The following TMEM132D variants were observed in gnomAD, a reference collection of about 807,000 sequenced individuals.
The protein encoded by TMEM132D is transmembrane protein 132D, also known as mature OL transmembrane protein.
A neutral mutation model predicts 62.3 loss-of-function variants in TMEM132D; 21 were observed. The ratio of observed to expected loss-of-function variants is 0.34; its 90% CI spans 0.24 to 0.49. The LOEUF is 0.49. Among genes scored for constraint, TMEM132D ranks in the 20% least tolerant of loss-of-function variants. The probability of loss-of-function intolerance (pLI) is 0.99; values close to 1 mark genes in which losing one functional copy is unlikely to be tolerated. For synonymous variants in TMEM132D, 621 were observed against 575.6 expected (o/e 1.08, Z -1.13); for missense variants, 1,346 against 1,402.8 (o/e 0.96, Z 0.65).
intron 3 of TMEM132D, among the ~76,000 whole-genome samples, chr12:129,523,892 G>T (rs1875931049): frequency 6.6e-6 from 1 of 152,158 alleles, no homozygotes; most frequent in South Asian, 2.1e-4. Flanking sequence ...AGGAGGCAAT[G>T]TAGATAAGCT....
intron 3 of TMEM132D, among the ~76,000 whole-genome samples, chr12:129,381,354 T>A (rs1241724077): frequency 6.6e-6 from 1 of 152,334 alleles, no homozygotes; most frequent in East Asian, 1.9e-4. Context: ...GAATGACTGA[T>A]GAAAGGATTA....
intron 2 of TMEM132D, among the ~76,000 whole-genome samples, chr12:129,568,531 T>C (rs1877427799): frequency 6.6e-6 from 1 of 152,228 alleles, no homozygotes. Context: ...CATCTGTTGC[T>C]TTCAAAAAAT....
intron 5 of TMEM132D, among the ~76,000 whole-genome samples, chr12:129,192,836 T>C (rs540148469): frequency 5.9e-5 from 9 of 152,132 alleles, no homozygotes; most frequent in Admixed American, 1.3e-4. Flanking sequence ...AAATCCTAAA[T>C]CACTATATAC....
chr12:129,342,483 C>A (rs1869528104), intron 3 of TMEM132D, among the ~76,000 whole-genome samples: 1 of 151,920 alleles, frequency 6.6e-6, no homozygotes, highest in South Asian at 2.1e-4. Context: ...TAGAAGAAAA[C>A]CTAGGCAATA....
chr12:129,253,066 A>G (rs1407635114), intron 4 of TMEM132D, among the ~76,000 whole-genome samples: 1 of 150,082 alleles, frequency 6.7e-6, no homozygotes, highest in African/African-American at 2.5e-5. Context: ...GGGGAGGGAT[A>G]GCATTAGGAG....
intron 1 of TMEM132D, among the ~76,000 whole-genome samples, chr12:129,840,795 A>G (rs756611802): frequency 2.0e-5 from 3 of 152,176 alleles, no homozygotes; most frequent in Non-Finnish European, 4.4e-5. Flanking sequence ...AACATCAAAC[A>G]AGGACCCCCG....
intron 4 of TMEM132D, among the ~76,000 whole-genome samples, chr12:129,210,631 T>C (rs190964381): frequency 2.0e-5 from 3 of 152,342 alleles, no homozygotes; most frequent in Admixed American, 2.0e-4. Flanking sequence ...CTTTTACTTA[T>C]AGTTATTTAA....
rs1239687079 is a variant in TMEM132D, at chr12:129,466,234, G to C, written c.1115+64825C>G. ...CTCTCATGCAGGTCACTAGAAAGTT[G>C]GTGTTACACGGAGAACTGGTATAAC... On this transcript the variant is annotated intron_variant, in intron 3 of 8. Transcript: ENST00000422113. Among the ~76,000 whole-genome samples, 9 of 149,358 alleles carry C rather than the reference G, an allele frequency of 6.0e-5. No homozygotes were observed. The South Asian group carries it at 6.3e-4, about 10-fold the overall frequency.
intron 5 of TMEM132D, among the ~76,000 whole-genome samples, chr12:129,157,597 C>A (rs80215241): frequency 0.013 from 1,981 of 152,296 alleles, 55 homozygotes; most frequent in East Asian, 0.12. Context: ...ACAGACACTG[C>A]AAACTTTACA....
chr12:129,330,656 G>A (rs545640031), intron 4 of TMEM132D, among the ~76,000 whole-genome samples: 1 of 152,286 alleles, frequency 6.6e-6, no homozygotes, highest in East Asian at 1.9e-4. Flanking sequence ...CGCTCCATGC[G>A]ACACCCTGCT....
chr12:129,248,721 C>G (rs1432620064), intron 4 of TMEM132D, among the ~76,000 whole-genome samples: 3 of 152,150 alleles, frequency 2.0e-5, no homozygotes, highest in Admixed American at 1.3e-4. Flanking sequence ...ACCCTCCACC[C>G]TCTGTTAGAC....
chr12:129,156,554 T>G (rs932087172), intron 5 of TMEM132D, among the ~76,000 whole-genome samples: 3 of 151,972 alleles, frequency 2.0e-5, no homozygotes, highest in African/African-American at 2.4e-5. Context: ...AACCCACTTT[T>G]GTGGTACCCA....
intron 4 of TMEM132D, among the ~76,000 whole-genome samples, chr12:129,217,283 T>C (rs1361112819): frequency 6.6e-6 from 1 of 152,150 alleles, no homozygotes; most frequent in African/African-American, 2.4e-5. Flanking sequence ...TCATTATCCT[T>C]AGCAAACTAA....
intron 4 of TMEM132D, among the ~76,000 whole-genome samples, chr12:129,281,109 T>A (rs938673350): frequency 6.6e-6 from 1 of 152,168 alleles, no homozygotes; most frequent in African/African-American, 2.4e-5. Flanking sequence ...TCTTTGCTAA[T>A]CAGAAAATAA....
chr12:129,556,801 T>C (rs1019046404), intron 2 of TMEM132D, among the ~76,000 whole-genome samples: 1 of 152,204 alleles, frequency 6.6e-6, no homozygotes, highest in Non-Finnish European at 1.5e-5. Context: ...CAGCCACATG[T>C]GGATGGGGGT....
intron 2 of TMEM132D, among the ~76,000 whole-genome samples, chr12:129,593,044 C>G (rs1409402429): frequency 6.6e-6 from 1 of 152,006 alleles, no homozygotes; most frequent in Non-Finnish European, 1.5e-5. Context: ...ATGGAAGTTA[C>G]AGAGACCTAT....
At chr12:129,461,651 A>C (rs1377331037) in intron 3 of TMEM132D, among the ~76,000 whole-genome samples, 2 of 147,936 alleles carry the variant, frequency 1.4e-5, no homozygotes. Context: ...TAAGAGACCA[A>C]GGAAAGAGGA....
intron 3 of TMEM132D, among the ~76,000 whole-genome samples, chr12:129,460,834 C>T (rs1873641488): frequency 6.6e-6 from 1 of 151,588 alleles, no homozygotes; most frequent in Non-Finnish European, 1.5e-5. Flanking sequence ...CTTTTTTTTT[C>T]CCACTGGGGC....
At chr12:129,153,410 G>A (rs1877135944) in intron 5 of TMEM132D, among the ~76,000 whole-genome samples, 1 of 151,894 alleles carries the variant, frequency 6.6e-6, no homozygotes, top group Admixed American at 6.6e-5. Flanking sequence ...GGGAATAAAT[G>A]CTCTGAAGGT....
Sources: gnomAD v4.1 joint callset for allele counts (sites outside exome capture counted in the v4.1 genomes callset) on GRCh38, gnomAD v4.1.1 for gene constraint, MANE v1.5 for transcripts, NCBI Gene and HGNC (gene_info 2026-07-23, HGNC 2026-07-21) for gene names.